CSMD1: variants seen among roughly 807,000 people sequenced by gnomAD.
CSMD1 encodes CUB and sushi domain-containing protein 1.
In CSMD1, 213 loss-of-function variants were observed where a neutral mutation model predicts 417.5. That is an observed-to-expected ratio of 0.51 (90% CI 0.46 to 0.57). The LOEUF (loss-of-function observed/expected upper bound fraction) is 0.57. CSMD1 is among the 20% of genes least tolerant of loss of function. CSMD1 has a pLI of 0.00. For missense variants in CSMD1, 6,923 were observed against 4,529.7 expected (o/e 1.53, Z -15.17); for synonymous variants, 2,862 against 1,736.8 (o/e 1.65, Z -16.11).
intron 26 of CSMD1, among the ~76,000 whole-genome samples, chr8:3,283,081 A>G (rs1223854940): frequency 6.6e-6 from 1 of 152,154 alleles, no homozygotes; most frequent in Non-Finnish European, 1.5e-5. Flanking sequence ...AATGGCAACT[A>G]TCTTTAGGAG....
intron 54 of CSMD1, among the ~76,000 whole-genome samples, chr8:2,987,657 A>G (rs1173623643): frequency 6.6e-6 from 1 of 152,226 alleles, no homozygotes; most frequent in Non-Finnish European, 1.5e-5. Context: ...ATAAAATCGG[A>G]GGATGAATGC....
chr8:4,836,262 A>C (rs1563542194), intron 1 of CSMD1, among the ~76,000 whole-genome samples: 1 of 152,218 alleles, frequency 6.6e-6, no homozygotes, highest in African/African-American at 2.4e-5. Flanking sequence ...TCAAATTATA[A>C]CGTGAAGACT....
chr8:4,813,344 C>T (rs1375400529), intron 1 of CSMD1, among the ~76,000 whole-genome samples: 2 of 151,684 alleles, frequency 1.3e-5, no homozygotes, highest in Non-Finnish European at 2.9e-5. Flanking sequence ...TGCTAAGATT[C>T]TGGAAAAAAA....
At chr8:4,809,265 G>A (rs929613688) in intron 1 of CSMD1, among the ~76,000 whole-genome samples, 1 of 151,952 alleles carries the variant, frequency 6.6e-6, no homozygotes, top group African/African-American at 2.4e-5. Flanking sequence ...TCTAATGAAG[G>A]GCAATAAGAA....
At chr8:3,054,667 A>G (rs1812094857) in intron 49 of CSMD1, among the ~76,000 whole-genome samples, 1 of 152,182 alleles carries the variant, frequency 6.6e-6, no homozygotes, top group African/African-American at 2.4e-5. Context: ...ATGCATATTT[A>G]CATGTGTGTA....
At chr8:4,097,281 C>A (rs376245323) in intron 3 of CSMD1, among the ~76,000 whole-genome samples, 2 of 152,216 alleles carry the variant, frequency 1.3e-5, no homozygotes, top group African/African-American at 4.8e-5. Flanking sequence ...ACAGTCTAAG[C>A]TCTGTCTTAT....
chr8:4,302,893 T>C (rs767194807), intron 3 of CSMD1, among the ~76,000 whole-genome samples: 9 of 152,084 alleles, frequency 5.9e-5, no homozygotes, highest in Non-Finnish European at 1.2e-4. Context: ...TCCATGCTGA[T>C]TCATATTAAC....
chr8:4,301,568 C>G (rs1275350152), intron 3 of CSMD1, among the ~76,000 whole-genome samples: 6 of 152,198 alleles, frequency 3.9e-5, no homozygotes, highest in African/African-American at 1.2e-4. Flanking sequence ...AGTGGAAAGT[C>G]TGCTCAATTA....
At chr8:3,372,787 T>C (rs563846385) in intron 18 of CSMD1, among the ~76,000 whole-genome samples, 1 of 152,204 alleles carries the variant, frequency 6.6e-6, no homozygotes, top group Admixed American at 6.5e-5. Flanking sequence ...CTGGAGGCCA[T>C]GGAAGAGGGT....
chr8:3,727,957 G>C (rs532989548), intron 6 of CSMD1, among the ~76,000 whole-genome samples: 2 of 152,122 alleles, frequency 1.3e-5, no homozygotes, highest in Non-Finnish European at 2.9e-5. Context: ...GGTAATGAGA[G>C]TTTAATGGGT....
intron 5 of CSMD1, among the ~76,000 whole-genome samples, chr8:3,838,524 C>G (rs1356498042): frequency 2.3e-5 from 3 of 128,070 alleles, no homozygotes; most frequent in Admixed American, 8.2e-5. Context: ...ATAATATAGC[C>G]TATATATATA....
At chr8:3,894,388 C>T (rs1807209894) in intron 5 of CSMD1, among the ~76,000 whole-genome samples, 1 of 152,122 alleles carries the variant, frequency 6.6e-6, no homozygotes, top group African/African-American at 2.4e-5. Context: ...GAGACACATC[C>T]TTCATGGCTT....
At chr8:3,728,075 C>G (rs1044365385) in intron 6 of CSMD1, among the ~76,000 whole-genome samples, 25 of 152,134 alleles carry the variant, frequency 1.6e-4, no homozygotes, top group African/African-American at 5.3e-4. Context: ...ATGACAGTGT[C>G]CGCACCCAAA....
chr8:3,131,435 G>A (rs1397078268), intron 41 of CSMD1, among the ~76,000 whole-genome samples: 1 of 150,352 alleles, frequency 6.7e-6, no homozygotes, highest in Non-Finnish European at 1.5e-5. Flanking sequence ...GATTATCTAT[G>A]ATTTGGTGAC....
chr8:4,803,242 T>C (rs947300425), intron 1 of CSMD1, among the ~76,000 whole-genome samples: 1 of 152,190 alleles, frequency 6.6e-6, no homozygotes, highest in East Asian at 1.9e-4. Flanking sequence ...TATAAATTCA[T>C]GGTTTATGGT....
chr8:4,481,508 TC>T (rs58338817), intron 2 of CSMD1, among the ~76,000 whole-genome samples: 2,127 of 152,330 alleles, frequency 0.014, 29 homozygotes, highest in Middle Eastern at 0.075. Context: ...AAATATCTTC[TC>T]ATTTGCTGTT....
chr8:4,015,113 C>A (rs1585135019), intron 4 of CSMD1, among the ~76,000 whole-genome samples: 1 of 152,124 alleles, frequency 6.6e-6, no homozygotes, highest in African/African-American at 2.4e-5. Flanking sequence ...GTGCTTAAAA[C>A]CAAATTGTCT....
At chr8:3,958,635 A>G (rs1370932141) in intron 5 of CSMD1, among the ~76,000 whole-genome samples, 1 of 152,154 alleles carries the variant, frequency 6.6e-6, no homozygotes, top group African/African-American at 2.4e-5. Flanking sequence ...TCCACCACAT[A>G]TTGTAAAATA....
At chr8:4,428,208 G>A (rs1402776655) in intron 2 of CSMD1, among the ~76,000 whole-genome samples, 1 of 152,142 alleles carries the variant, frequency 6.6e-6, no homozygotes. Context: ...CTTGTACTGT[G>A]TCCACTGAAC....
Sources: gnomAD v4.1 joint callset for allele counts (sites outside exome capture counted in the v4.1 genomes callset) on GRCh38, gnomAD v4.1.1 for gene constraint, MANE v1.5 for transcripts, NCBI Gene and HGNC (gene_info 2026-07-23, HGNC 2026-07-21) for gene names.